Variants in GRIA4 observed in about 807,000 individuals in gnomAD.
GRIA4 encodes the protein glutamate receptor 4.
In GRIA4, 34 loss-of-function variants were observed where a neutral mutation model predicts 104.0. That is an observed-to-expected ratio of 0.33 (90% CI 0.25 to 0.44). The LOEUF is 0.44. Among genes scored for constraint, GRIA4 ranks in the 20% least tolerant of loss-of-function variants. GRIA4 has a pLI of 1.00. For missense variants in GRIA4, 750 were observed against 1,096.5 expected (o/e 0.68, Z 4.46); for synonymous variants, 386 against 381.9 (o/e 1.01, Z -0.13).
In GRIA4 at chr11:105,631,820, T is replaced by C. The variant is rs145463146; in HGVS notation, c.247+19386T>C. ...GAAGGTGTTGTGCATTGTATCATAA[T>C]TGCCAAAGAAATACTATTAGGAGGG... is the stretch of plus-strand genomic sequence containing the variant. On this transcript the variant is annotated intron_variant, in intron 3 of 16. Coordinates refer to ENST00000282499, the MANE Select transcript of GRIA4 (RefSeq NM_000829.4). Among the ~76,000 whole-genome samples the C allele has an allele frequency of 6.6e-5, 10 of 152,304 alleles. No homozygotes were observed. In the East Asian group the frequency reaches 1.9e-3, roughly 29 times the overall value.
At chr11:105,945,559 C>T (rs748275460) in intron 14 of GRIA4, 1 of 417,824 alleles carries the variant, frequency 2.4e-6, no homozygotes, top group Non-Finnish European at 3.2e-6. Flanking sequence ...GGAAACCCCT[C>T]CCCCACCTGT....
At chr11:105,652,887 C>T (rs1240882514) in intron 3 of GRIA4, among the ~76,000 whole-genome samples, 2 of 152,030 alleles carry the variant, frequency 1.3e-5, no homozygotes, top group Admixed American at 6.6e-5. Flanking sequence ...TTAGGAACCT[C>T]GGCATACATT....
intron 4 of GRIA4, among the ~76,000 whole-genome samples, chr11:105,817,719 T>TAA (rs934728414): frequency 5.3e-5 from 8 of 152,138 alleles, no homozygotes; most frequent in Non-Finnish European, 7.4e-5. Flanking sequence ...ATATCGTACA[T>TAA]TATATATAGA....
chr11:105,733,532 C>T (rs957975831), intron 3 of GRIA4, among the ~76,000 whole-genome samples: 25 of 152,244 alleles, frequency 1.6e-4, no homozygotes, highest in South Asian at 2.1e-4. Context: ...TTTTGGCTCA[C>T]GGCAACCTCT....
In GRIA4 at chr11:105,868,685, T is replaced by A. The variant is rs146116295; in HGVS notation, c.672+6477T>A. 6.6e-5 allele frequency among the ~76,000 whole-genome samples: 10 copies of A among 152,088 alleles called. No homozygotes were observed. The East Asian group carries it at 1.9e-3, about 29-fold the overall frequency. Reference sequence around the variant, plus strand: ...TTGTACAGGCTGAAAAAAGCAAGAGTTTTATTTCCATATATTAAAGTAACA... The same window carrying A: ...TTGTACAGGCTGAAAAAAGCAAGAGATTTATTTCCATATATTAAAGTAACA... On this transcript the variant is annotated intron_variant, in intron 5 of 16. Coordinates refer to ENST00000282499, the MANE Select transcript of GRIA4 (RefSeq NM_000829.4).
chr11:105,768,990 G>A (rs766531371), intron 4 of GRIA4, among the ~76,000 whole-genome samples: 14 of 152,016 alleles, frequency 9.2e-5, no homozygotes, highest in Non-Finnish European at 1.8e-4. Context: ...TCCAAGGAGA[G>A]GAAGTTGAAA....
At chr11:105,697,432 G>A (rs1252343841) in intron 3 of GRIA4, among the ~76,000 whole-genome samples, 2 of 152,172 alleles carry the variant, frequency 1.3e-5, no homozygotes, top group Non-Finnish European at 2.9e-5. Context: ...AAAAGAGCCT[G>A]ACTCTGCTAA....
chr11:105,866,533 A>G (rs1243998624), intron 5 of GRIA4, among the ~76,000 whole-genome samples: 5 of 57,672 alleles, frequency 8.7e-5, no homozygotes, highest in East Asian at 7.2e-4. Context: ...ATATATACGC[A>G]TATGTGTGTG....
chr11:105,656,792 A>C (rs1372331454), intron 3 of GRIA4, among the ~76,000 whole-genome samples: 1 of 152,146 alleles, frequency 6.6e-6, no homozygotes, highest in Non-Finnish European at 1.5e-5. Flanking sequence ...AAACAATATC[A>C]GTATGTGTTT....
intron 3 of GRIA4, among the ~76,000 whole-genome samples, chr11:105,729,176 C>T (rs1299987956): frequency 6.6e-6 from 1 of 152,018 alleles, no homozygotes; most frequent in African/African-American, 2.4e-5. Flanking sequence ...GGGAGATTAC[C>T]ACTCATTCCA....
chr11:105,881,106 CAG>C (rs1036155749), intron 5 of GRIA4, among the ~76,000 whole-genome samples: 6 of 152,102 alleles, frequency 3.9e-5, no homozygotes, highest in African/African-American at 1.4e-4. Context: ...ATCTGGGTGA[CAG>C]GGGGTTAATT....
intron 3 of GRIA4, among the ~76,000 whole-genome samples, chr11:105,733,520 A>G (rs1184393399): frequency 2.0e-5 from 3 of 152,098 alleles, no homozygotes; most frequent in East Asian, 3.9e-4. Context: ...GCAGTGGCAC[A>G]ATTTTGGCTC....
chr11:105,979,697 A>G lies in GRIA4; in HGVS notation c.2667A>G (p.Arg889=), dbSNP rs1859179732. Reference sequence around the variant, plus strand: ...CTGTACACACTGGAACTGCAATCAGACAAAGTTCAGGATTGGCTGTCATTG... The same window carrying G: ...CTGTACACACTGGAACTGCAATCAGGCAAAGTTCAGGATTGGCTGTCATTG... ...PKAVHTGTAI[R]QSSGLAVIAS... Residue 889 remains arginine, a synonymous_variant, in exon 17 of 17, where the codon AGA becomes AGG. Transcript: ENST00000282499. 1 of 1,614,086 alleles carries G rather than the reference A, an allele frequency of 6.2e-7. No homozygotes were observed. The highest frequency in any genetic ancestry group is 8.5e-7 in the Non-Finnish European group (1 of 1,179,932).
chr11:105,833,205 C>G (rs1042275821), intron 4 of GRIA4, among the ~76,000 whole-genome samples: 1 of 151,942 alleles, frequency 6.6e-6, no homozygotes, highest in South Asian at 2.1e-4. Context: ...TGTGAGAAAC[C>G]ATATAAGTTT....
At chr11:105,772,284 A>G (rs947949289) in intron 4 of GRIA4, among the ~76,000 whole-genome samples, 4 of 152,164 alleles carry the variant, frequency 2.6e-5, no homozygotes, top group African/African-American at 9.7e-5. Context: ...AGTGCTCTCA[A>G]GAGGCATAGA....
At chr11:105,761,299 C>T (rs1261137450) in intron 4 of GRIA4, among the ~76,000 whole-genome samples, 3 of 151,974 alleles carry the variant, frequency 2.0e-5, no homozygotes, top group Non-Finnish European at 4.4e-5. Context: ...TTTCTTTTGG[C>T]TCATATTTGT....
intron 4 of GRIA4, among the ~76,000 whole-genome samples, chr11:105,770,542 C>T (rs1050445417): frequency 6.6e-6 from 1 of 151,990 alleles, no homozygotes; most frequent in African/African-American, 2.4e-5. Flanking sequence ...GAATATCCTC[C>T]CATTTAACAT....
chr11:105,657,899 T>G (rs936172311), intron 3 of GRIA4, among the ~76,000 whole-genome samples: 15 of 151,880 alleles, frequency 9.9e-5, no homozygotes, highest in Non-Finnish European at 1.9e-4. Flanking sequence ...AACTCTATTT[T>G]TTTCTCAATT....
intron 3 of GRIA4, among the ~76,000 whole-genome samples, chr11:105,711,729 G>T (rs1953918503): frequency 6.6e-6 from 1 of 152,114 alleles, no homozygotes; most frequent in African/African-American, 2.4e-5. Context: ...CATGTTCCAT[G>T]TCCAAGACAT....
Sources: allele counts gnomAD v4.1 joint callset (sites outside exome capture counted in the v4.1 genomes callset), GRCh38; gene constraint gnomAD v4.1.1; transcripts MANE v1.5; gene names NCBI Gene and HGNC (gene_info 2026-07-23, HGNC 2026-07-21).